ARHGEF3: variants seen among roughly 807,000 people sequenced by gnomAD.
ARHGEF3 encodes the protein 59.8 kDA protein.
ARHGEF3 carries 28 observed loss-of-function variants against 63.2 expected under a neutral mutation model. The ratio of observed to expected loss-of-function variants is 0.44; its 90% CI spans 0.33 to 0.61. ARHGEF3 has a LOEUF of 0.61. Ranked by LOEUF, ARHGEF3 falls within the 20% of genes least tolerant of loss-of-function variation. ARHGEF3 has a pLI of 0.03. For missense variants in ARHGEF3, 533 were observed against 659.3 expected (o/e 0.81, Z 2.10); for synonymous variants, 266 against 254.2 (o/e 1.05, Z -0.44).
chr3:56,834,345 A>G (rs2039033168), intron 4 of ARHGEF3, among the ~76,000 whole-genome samples: 1 of 152,222 alleles, frequency 6.6e-6, no homozygotes, highest in Non-Finnish European at 1.5e-5. Context: ...AGCAGGTATC[A>G]TTATTGTAAA....
chr3:56,784,646 T>A (rs1373034889), intron 1 of ARHGEF3, among the ~76,000 whole-genome samples: 1 of 152,234 alleles, frequency 6.6e-6, no homozygotes, highest in Non-Finnish European at 1.5e-5. Flanking sequence ...AGGAAAAGGA[T>A]GCCACTGGAG....
At chr3:56,750,670 G>GT (rs79472923) in intron 6 of ARHGEF3, among the ~76,000 whole-genome samples, 360 of 109,854 alleles carry the variant, frequency 3.3e-3, no homozygotes, top group Middle Eastern at 0.011. Context: ...AGCATGACAA[G>GT]TTTTTTTTTT....
chr3:56,801,905 G>T lies in ARHGEF3; in HGVS notation c.-107C>A, dbSNP rs1490371115. The T allele has an allele frequency of 2.0e-6, 3 of 1,532,456 alleles. No homozygotes were observed. Among genetic ancestry groups the T allele is most frequent in the Non-Finnish European group, 2.6e-6 (3 of 1,139,434 alleles). The allele number at this position is 1,532,456 out of a possible 1,614,324, so 94.9% of individuals were successfully genotyped here. ...CTCCACGATGCCGGGCGGCGGCGGC[G>T]ACACGGAGACCGACAGCCGGCTTCT... On this transcript the variant is annotated 5_prime_UTR_variant, in exon 1 of 10. Coordinates refer to ENST00000296315, the MANE Select transcript of ARHGEF3 (RefSeq NM_019555.3).
chr3:56,896,469 G>A (rs1217182411), intron 3 of ARHGEF3, among the ~76,000 whole-genome samples: 4 of 152,106 alleles, frequency 2.6e-5, no homozygotes, highest in East Asian at 1.9e-4. Flanking sequence ...GTATCAACTC[G>A]TTCACCACTT....
In ARHGEF3 at chr3:56,974,529, G is replaced by A. The variant is rs560485391; in HGVS notation, c.63-15640C>T. Among the ~76,000 whole-genome samples the A allele has an allele frequency of 1.3e-4, 20 of 152,258 alleles. No individual in the cohort carries two copies. In the South Asian group the frequency reaches 2.3e-3, roughly 17 times the overall value. Reference sequence around the variant, plus strand: ...GCAAAAATTACAGAACATTTTTGAAGGGATGTTTTGTAAGAGGTCTTCTGG... The same window carrying A: ...GCAAAAATTACAGAACATTTTTGAAAGGATGTTTTGTAAGAGGTCTTCTGG... On this transcript the variant is annotated intron_variant, in intron 2 of 12. Coordinates refer to the ARHGEF3 transcript ENST00000338458.
chr3:56,840,380 C>G (rs886772177), intron 4 of ARHGEF3, among the ~76,000 whole-genome samples: 1 of 152,198 alleles, frequency 6.6e-6, no homozygotes, highest in African/African-American at 2.4e-5. Flanking sequence ...AGTTTCAAAG[C>G]TGGAAAGGGA....
rs76413611 is a variant in ARHGEF3, at chr3:56,963,542, C to T, written c.63-4653G>A. On this transcript the variant is annotated intron_variant, in intron 2 of 12. Coordinates refer to the ARHGEF3 transcript ENST00000338458. ...TTCCCTTCTCAAAGACTACCACCTT[C>T]GTCAGCAAGTTGTATATGTTTTAAA... is the stretch of plus-strand genomic sequence containing the variant. 7.0e-3 allele frequency among the ~76,000 whole-genome samples: 1,059 copies of T among 152,324 alleles called. 11 individuals are homozygous for T. The highest frequency in any genetic ancestry group is 0.023 in the African/African-American group (969 of 41,570).
chr3:56,916,485 A>T, intron 3 of ARHGEF3: 10 of 1,386,252 alleles, frequency 7.2e-6, no homozygotes, highest in Non-Finnish European at 9.4e-6. Context: ...AGGAAGTGAC[A>T]GGGGCCATCA....
chr3:57,072,443 T>A (rs1370415483), intron 1 of ARHGEF3, among the ~76,000 whole-genome samples: 10 of 144,766 alleles, frequency 6.9e-5, no homozygotes, highest in Admixed American at 2.1e-4. Context: ...AATAAAGAAT[T>A]AAAAAAAAAA....
At chr3:56,790,865 A>G (rs367864669) in intron 1 of ARHGEF3, among the ~76,000 whole-genome samples, 4 of 152,084 alleles carry the variant, frequency 2.6e-5, no homozygotes, top group East Asian at 3.9e-4. Context: ...GGAAGACTCC[A>G]CATTTCCAAA....
chr3:56,934,610 C>T (rs2042502509), intron 3 of ARHGEF3, among the ~76,000 whole-genome samples: 1 of 152,236 alleles, frequency 6.6e-6, no homozygotes, highest in Non-Finnish European at 1.5e-5. Flanking sequence ...AGCACCCGGG[C>T]CAGCGGCTGC....
intron 3 of ARHGEF3, among the ~76,000 whole-genome samples, chr3:56,907,132 T>A (rs2041711671): frequency 6.6e-6 from 1 of 151,788 alleles, no homozygotes; most frequent in South Asian, 2.1e-4. Flanking sequence ...CAGGCCTGCA[T>A]CACCACGCCC....
chr3:56,782,669 G>A, intron 1 of ARHGEF3, among the ~76,000 whole-genome samples: 1 of 108,388 alleles, frequency 9.2e-6, no homozygotes. Context: ...AAAAAAGCTG[G>A]GGTTTGTTTT....
intron 8 of ARHGEF3, among the ~76,000 whole-genome samples, chr3:56,734,010 G>C (rs111410861): frequency 1.2e-3 from 134 of 112,262 alleles, no homozygotes; most frequent in African/African-American, 4.0e-3. Flanking sequence ...AAAAAAAAAA[G>C]ATGATCAATA....
At chr3:56,804,625 G>GT (rs1296945193), upstream of ARHGEF3, among the ~76,000 whole-genome samples, 4 of 152,198 alleles carry the variant, frequency 2.6e-5, no homozygotes, top group African/African-American at 7.2e-5. Flanking sequence ...GAGCACCTGA[G>GT]TTTTTTTCCC....
chr3:56,983,360 C>T (rs191617310), intron 2 of ARHGEF3, among the ~76,000 whole-genome samples: 5 of 152,210 alleles, frequency 3.3e-5, no homozygotes, highest in African/African-American at 9.6e-5. Flanking sequence ...GGTCTCCATC[C>T]CTCCCCACTG....
intron 4 of ARHGEF3, among the ~76,000 whole-genome samples, chr3:56,828,028 G>A (rs1366547464): frequency 1.4e-5 from 2 of 143,418 alleles, no homozygotes; most frequent in Non-Finnish European, 3.0e-5. Context: ...TATACGTGAA[G>A]TACACCAGGA....
chr3:56,975,751 C>CA, intron 2 of ARHGEF3: 1 of 413,464 alleles, frequency 2.4e-6, no homozygotes, highest in Non-Finnish European at 4.7e-6. Flanking sequence ...GATGGAAACT[C>CA]AAACACTTAC....
intron 4 of ARHGEF3, among the ~76,000 whole-genome samples, chr3:56,839,011 C>T (rs977859422): frequency 6.6e-5 from 10 of 152,030 alleles, no homozygotes; most frequent in Admixed American, 2.0e-4. Context: ...TGGTGGTACA[C>T]ACCTGTAGTC....
Sources: allele counts gnomAD v4.1 joint callset (sites outside exome capture counted in the v4.1 genomes callset), GRCh38; gene constraint gnomAD v4.1.1; transcripts MANE v1.5; gene names NCBI Gene and HGNC (gene_info 2026-07-23, HGNC 2026-07-21).